The following KCNMB2 variants were observed in gnomAD, a reference collection of about 807,000 sequenced individuals.
The protein encoded by KCNMB2 is calcium-activated potassium channel subunit beta-2.
Under a neutral mutation model 24.5 loss-of-function variants are expected in KCNMB2, and 9 were observed. The ratio of observed to expected loss-of-function variants is 0.37; its 90% CI spans 0.22 to 0.64. The LOEUF (loss-of-function observed/expected upper bound fraction) is 0.64. KCNMB2 is among the 30% of genes least tolerant of loss of function. KCNMB2 has a pLI of 0.63. For synonymous variants in KCNMB2, 109 were observed against 104.4 expected (o/e 1.04, Z -0.27); for missense variants, 226 against 284.3 (o/e 0.79, Z 1.47).
intron 1 of KCNMB2, among the ~76,000 whole-genome samples, chr3:178,568,299 A>G (rs1348784557): frequency 6.6e-6 from 1 of 152,184 alleles, no homozygotes; most frequent in Non-Finnish European, 1.5e-5. Context: ...CAGACTTTAA[A>G]GCCTGTTGAC....
At chr3:178,579,845 C>T (rs944450190) in intron 1 of KCNMB2, among the ~76,000 whole-genome samples, 1 of 152,258 alleles carries the variant, frequency 6.6e-6, no homozygotes, top group South Asian at 2.1e-4. Context: ...TCTGAATATA[C>T]CAATAACAAG....
chr3:178,804,672 C>T (rs904685566), intron 1 of KCNMB2, among the ~76,000 whole-genome samples: 14 of 152,176 alleles, frequency 9.2e-5, no homozygotes, highest in Admixed American at 8.5e-4. Flanking sequence ...ACTGCAGCTC[C>T]TTTCACTTTG....
At chr3:178,811,129 G>A (rs1056071051) in intron 2 of KCNMB2, among the ~76,000 whole-genome samples, 1 of 151,962 alleles carries the variant, frequency 6.6e-6, no homozygotes, top group African/African-American at 2.4e-5. Flanking sequence ...TTTAAGCTAA[G>A]GGCATTACAG....
intron 1 of KCNMB2, among the ~76,000 whole-genome samples, chr3:178,771,435 T>A (rs1712345663): frequency 6.6e-6 from 1 of 151,718 alleles, no homozygotes; most frequent in Non-Finnish European, 1.5e-5. Flanking sequence ...CCTTTTGTGA[T>A]CTGGCTTCCT....
intron 1 of KCNMB2, among the ~76,000 whole-genome samples, chr3:178,724,841 T>C (rs976157831): frequency 2.6e-5 from 4 of 152,150 alleles, no homozygotes; most frequent in Non-Finnish European, 4.4e-5. Flanking sequence ...CAGGGGTCTG[T>C]ATTCTCTTCC....
chr3:178,577,790 C>G (rs770841866), intron 1 of KCNMB2, among the ~76,000 whole-genome samples: 2 of 152,016 alleles, frequency 1.3e-5, no homozygotes, highest in South Asian at 4.2e-4. Context: ...GATTGAAGAT[C>G]AACTTGATGA....
chr3:178,835,969 G>A (rs1049393541), intron 4 of KCNMB2, among the ~76,000 whole-genome samples: 5 of 151,988 alleles, frequency 3.3e-5, no homozygotes, highest in Admixed American at 2.6e-4. Flanking sequence ...AATATCGCAC[G>A]GATTTTATCA....
intron 1 of KCNMB2, among the ~76,000 whole-genome samples, chr3:178,665,199 C>T (rs1720674587): frequency 6.6e-6 from 1 of 152,090 alleles, no homozygotes; most frequent in African/African-American, 2.4e-5. Flanking sequence ...TAAGGTTCCA[C>T]CAGAGGACAT....
At chr3:178,606,909 G>A (rs1319405548) in intron 1 of KCNMB2, among the ~76,000 whole-genome samples, 3 of 152,186 alleles carry the variant, frequency 2.0e-5, no homozygotes, top group Non-Finnish European at 2.9e-5. Context: ...TCCATCATGT[G>A]AAGACACAGC....
intron 1 of KCNMB2, among the ~76,000 whole-genome samples, chr3:178,786,460 G>C (rs980062428): frequency 6.6e-6 from 1 of 152,148 alleles, no homozygotes; most frequent in Admixed American, 6.6e-5. Flanking sequence ...GTACAAAAAC[G>C]TGGTTGGATC....
At chr3:178,705,118 A>G (rs1722235229) in intron 1 of KCNMB2, among the ~76,000 whole-genome samples, 1 of 151,948 alleles carries the variant, frequency 6.6e-6, no homozygotes. Flanking sequence ...CCCAACCCCA[A>G]TCCTCAAGCT....
chr3:178,584,395 C>A (rs1372496843), intron 1 of KCNMB2, among the ~76,000 whole-genome samples: 1 of 152,158 alleles, frequency 6.6e-6, no homozygotes, highest in Non-Finnish European at 1.5e-5. Context: ...TAGGAGAGAT[C>A]CTGCCCAGTC....
intron 3 of KCNMB2, among the ~76,000 whole-genome samples, chr3:178,827,808 G>T (rs1481468374): frequency 1.3e-5 from 2 of 152,196 alleles, no homozygotes; most frequent in African/African-American, 4.8e-5. Context: ...TACAGAGGTA[G>T]GGGCTGGAGC....
chr3:178,751,260 T>C (rs1723836828), intron 1 of KCNMB2, among the ~76,000 whole-genome samples: 1 of 152,084 alleles, frequency 6.6e-6, no homozygotes, highest in Admixed American at 6.6e-5. Flanking sequence ...AAATAGATAA[T>C]AATAATCTTT....
At chr3:178,663,767 T>C (rs1338654305) in intron 1 of KCNMB2, among the ~76,000 whole-genome samples, 2 of 152,154 alleles carry the variant, frequency 1.3e-5, no homozygotes, top group African/African-American at 2.4e-5. Flanking sequence ...TCAAAATGAA[T>C]ATAAAACTCA....
intron 1 of KCNMB2, among the ~76,000 whole-genome samples, chr3:178,733,349 C>T (rs58745655): frequency 1.3e-5 from 2 of 151,904 alleles, no homozygotes; most frequent in Admixed American, 6.5e-5. Context: ...AGAGAGGTCA[C>T]GAGAAGTCAA....
At chr3:178,672,953 G>C (rs1459223725) in intron 1 of KCNMB2, among the ~76,000 whole-genome samples, 1 of 152,032 alleles carries the variant, frequency 6.6e-6, no homozygotes, top group Non-Finnish European at 1.5e-5. Context: ...ACCACTTTCT[G>C]TATCTCCAGT....
At chr3:178,718,103 T>C (rs765815311) in intron 1 of KCNMB2, among the ~76,000 whole-genome samples, 2 of 152,238 alleles carry the variant, frequency 1.3e-5, no homozygotes, top group Non-Finnish European at 2.9e-5. Flanking sequence ...TGTTTCTCAC[T>C]TGCTGTCCTT....
chr3:178,697,903 T>A (rs1260198898), intron 1 of KCNMB2, among the ~76,000 whole-genome samples: 1 of 151,956 alleles, frequency 6.6e-6, no homozygotes, highest in Non-Finnish European at 1.5e-5. Context: ...TAAAAGTTTT[T>A]TTTTTAAGAA....
Sources: gnomAD v4.1 joint callset for allele counts (sites outside exome capture counted in the v4.1 genomes callset) on GRCh38, gnomAD v4.1.1 for gene constraint, MANE v1.5 for transcripts, NCBI Gene and HGNC (gene_info 2026-07-23, HGNC 2026-07-21) for gene names.